Variants in UST observed in about 807,000 individuals in gnomAD.
UST encodes chondroitin sulfate 2-O-sulfotransferase.
In UST, 21 loss-of-function variants were observed where a neutral mutation model predicts 45.6. The observed-to-expected ratio is 0.46, with a 90% CI of 0.33 to 0.66. The LOEUF (loss-of-function observed/expected upper bound fraction) is 0.66, where lower values mean the gene tolerates loss of function less well. Among genes scored for constraint, UST ranks in the 30% least tolerant of loss-of-function variants. The probability of loss-of-function intolerance (pLI) is 0.02; values close to 1 mark genes in which losing one functional copy is unlikely to be tolerated. For missense variants in UST, 463 were observed against 512.4 expected, an observed-to-expected ratio of 0.90 and a Z score of 0.93; for synonymous variants, 215 against 200.6, an observed-to-expected ratio of 1.07 and a Z score of -0.61.
At chr6:148,888,739 TACCACTTGATCC>T (rs1352191509) in intron 2 of UST, among the ~76,000 whole-genome samples, 1 of 152,238 alleles carries the variant, frequency 6.6e-6, no homozygotes, top group East Asian at 1.9e-4. Context: ...GGAATGGTTC[TACCACTTGATCC>T]ACCACCTGTT....
chr6:148,994,892 A>G (rs373997162), intron 5 of UST, among the ~76,000 whole-genome samples: 2 of 152,228 alleles, frequency 1.3e-5, no homozygotes, highest in African/African-American at 4.8e-5. Context: ...CCCTTAATCT[A>G]TAGATTCAAA....
chr6:148,939,015 G>A lies in UST; in HGVS notation c.292-2264G>A, dbSNP rs183319438. Among the ~76,000 whole-genome samples, 124 of 152,140 alleles carry A rather than the reference G, an allele frequency of 8.2e-4. No homozygotes were observed. In the Middle Eastern group the frequency reaches 0.014, roughly 17 times the overall value. On this transcript the variant is annotated intron_variant, in intron 2 of 7. Coordinates refer to ENST00000367463, the MANE Select transcript of UST (RefSeq NM_005715.3). The stretch of plus-strand genomic sequence containing the variant: ...AAAAAAACTATTGGAATTAATAAAT[G>A]AGTTCAGCAAGATTGTGGAATATAA...
At chr6:149,027,371 C>G (rs1776064816) in intron 7 of UST, among the ~76,000 whole-genome samples, 1 of 152,190 alleles carries the variant, frequency 6.6e-6, no homozygotes. Context: ...GGAGGAACTT[C>G]TAGTTCTTTG....
At chr6:148,890,961 T>C (rs1277218818) in intron 2 of UST, among the ~76,000 whole-genome samples, 1 of 152,156 alleles carries the variant, frequency 6.6e-6, no homozygotes, top group Non-Finnish European at 1.5e-5. Context: ...TTTTGTGAAA[T>C]TGCACGCATA....
chr6:148,995,850 G>C (rs1055564716), intron 5 of UST, among the ~76,000 whole-genome samples: 1 of 152,220 alleles, frequency 6.6e-6, no homozygotes, highest in South Asian at 2.1e-4. Context: ...TGCATTCCTA[G>C]TTTGCCCTGC....
chr6:148,762,533 A>G (rs1294810152), intron 1 of UST, among the ~76,000 whole-genome samples: 1 of 144,188 alleles, frequency 6.9e-6, no homozygotes, highest in Non-Finnish European at 1.5e-5. Flanking sequence ...GCAGGCTTCT[A>G]TCTTTTTTTT....
intron 5 of UST, among the ~76,000 whole-genome samples, chr6:148,999,938 G>A (rs543276418): frequency 1.3e-5 from 2 of 152,286 alleles, no homozygotes; most frequent in African/African-American, 4.8e-5. Context: ...GAAATCCAAA[G>A]GATTTACCAG....
chr6:149,052,433 CTAT>C (rs1295302882), intron 7 of UST, among the ~76,000 whole-genome samples: 2 of 152,110 alleles, frequency 1.3e-5, no homozygotes, highest in African/African-American at 2.4e-5. Flanking sequence ...GAGGAAGATA[CTAT>C]TATTATGTCC....
intron 2 of UST, among the ~76,000 whole-genome samples, chr6:148,892,535 G>C (rs1359840879): frequency 6.6e-6 from 1 of 152,060 alleles, no homozygotes; most frequent in African/African-American, 2.4e-5. Context: ...TAATATGGTA[G>C]CTATTAGCCT....
intron 5 of UST, among the ~76,000 whole-genome samples, chr6:149,015,851 A>C (rs909280786): frequency 1.3e-5 from 2 of 152,234 alleles, no homozygotes; most frequent in Admixed American, 1.3e-4. Flanking sequence ...GGCCACTGTA[A>C]GTGCAGCTCA....
chr6:148,773,004 T>A (rs1776461575), intron 1 of UST, among the ~76,000 whole-genome samples: 1 of 152,196 alleles, frequency 6.6e-6, no homozygotes, highest in African/African-American at 2.4e-5. Flanking sequence ...ATATTCTTAT[T>A]CTAGGCATTG....
At chr6:148,819,990 G>A (rs558941986) in intron 1 of UST, among the ~76,000 whole-genome samples, 2 of 152,222 alleles carry the variant, frequency 1.3e-5, no homozygotes, top group South Asian at 4.2e-4. Flanking sequence ...TGTACCCATG[G>A]GGGCCTCTCT....
intron 1 of UST, among the ~76,000 whole-genome samples, chr6:148,848,210 G>C (rs1778034208): frequency 1.3e-5 from 2 of 152,280 alleles, no homozygotes; most frequent in East Asian, 1.9e-4. Context: ...AGATGTTCAG[G>C]CTTTAACACT....
intron 5 of UST, among the ~76,000 whole-genome samples, chr6:149,006,447 T>C (rs1287709300): frequency 1.3e-5 from 2 of 152,230 alleles, no homozygotes; most frequent in Non-Finnish European, 2.9e-5. Context: ...TATGGCTGTA[T>C]AGTATTCCAT....
chr6:148,756,144 A>G (rs972551943), intron 1 of UST, among the ~76,000 whole-genome samples: 9 of 151,864 alleles, frequency 5.9e-5, no homozygotes, highest in Non-Finnish European at 1.0e-4. Flanking sequence ...GCTGAGAATA[A>G]TGGTTTCCAG....
At chr6:148,900,513 C>G (rs113192996) in intron 2 of UST, among the ~76,000 whole-genome samples, 3,703 of 152,314 alleles carry the variant, frequency 0.024, 60 homozygotes, top group Middle Eastern at 0.061. Flanking sequence ...TTGTCTGCCA[C>G]CATGTGAGAT....
At chr6:148,992,418 G>A (rs985193797) in intron 5 of UST, among the ~76,000 whole-genome samples, 10 of 152,310 alleles carry the variant, frequency 6.6e-5, no homozygotes, top group South Asian at 2.1e-4. Flanking sequence ...GCAGTGAGCC[G>A]AGATCGCGCC....
At chr6:149,018,551 A>T (rs1775938533) in intron 5 of UST, among the ~76,000 whole-genome samples, 1 of 152,170 alleles carries the variant, frequency 6.6e-6, no homozygotes. Context: ...GTCCAACCTC[A>T]TATAAGAGAA....
In UST at chr6:148,962,371, C is replaced by A. The variant is rs139289963; in HGVS notation, c.528-2039C>A. ...TCACATGATTGGGCATTTCTGCTAA[C>A]TAGCACTAGCAGTCATTCTTCACAT... On this transcript the variant is annotated intron_variant, in intron 4 of 7. Transcript: ENST00000367463. 9.7e-3 allele frequency among the ~76,000 whole-genome samples: 1,478 copies of A among 152,340 alleles called. 9 individuals carry two copies. Among genetic ancestry groups the A allele is most frequent in the Non-Finnish European group, 0.016 (1,069 of 68,046 alleles).
Sources: allele counts gnomAD v4.1 joint callset (sites outside exome capture counted in the v4.1 genomes callset), GRCh38; gene constraint gnomAD v4.1.1; transcripts MANE v1.5; gene names NCBI Gene and HGNC (gene_info 2026-07-23, HGNC 2026-07-21).